B3GALT1: variants seen among roughly 807,000 people sequenced by gnomAD.
B3GALT1 encodes the protein beta-1,3-galactosyltransferase 1, also known as UDP-Gal:betaGlcNAc beta 1,3-galactosyltransferase, polypeptide 1.
A neutral mutation model predicts 23.2 loss-of-function variants in B3GALT1; 10 were observed. The ratio of observed to expected loss-of-function variants is 0.43; its 90% CI spans 0.27 to 0.73. B3GALT1 has a LOEUF of 0.73. Among genes scored for constraint, B3GALT1 ranks in the 30% least tolerant of loss-of-function variants. B3GALT1 has a pLI of 0.21. For missense variants in B3GALT1, 299 were observed against 405.4 expected, an observed-to-expected ratio of 0.74 and a Z score of 2.25; for synonymous variants, 156 against 141.5, an observed-to-expected ratio of 1.10 and a Z score of -0.73.
At chr2:167,664,095 G>C (rs927591981) in intron 3 of B3GALT1, among the ~76,000 whole-genome samples, 5 of 150,882 alleles carry the variant, frequency 3.3e-5, no homozygotes, top group Non-Finnish European at 5.9e-5. Flanking sequence ...ATGGTTTTAG[G>C]TCTAACGTTT....
At chr2:167,313,965 G>A (rs1232372988) in intron 1 of B3GALT1, among the ~76,000 whole-genome samples, 3 of 152,082 alleles carry the variant, frequency 2.0e-5, no homozygotes, top group African/African-American at 4.8e-5. Context: ...TAATAGTAAC[G>A]CAGGTTTGTC....
At chr2:167,668,583 T>G (rs1347637264) in intron 3 of B3GALT1, among the ~76,000 whole-genome samples, 1 of 152,130 alleles carries the variant, frequency 6.6e-6, no homozygotes, top group Non-Finnish European at 1.5e-5. Flanking sequence ...CTCAGACTGC[T>G]GTGCTAGCAA....
chr2:167,809,329 AG>A (rs1688829593), intron 3 of B3GALT1, among the ~76,000 whole-genome samples: 1 of 152,110 alleles, frequency 6.6e-6, no homozygotes, highest in Non-Finnish European at 1.5e-5. Context: ...GCTGGTGAGG[AG>A]CTGCATTCCT....
chr2:167,299,616 A>G (rs1027066913), intron 1 of B3GALT1, among the ~76,000 whole-genome samples: 1 of 152,186 alleles, frequency 6.6e-6, no homozygotes, highest in African/African-American at 2.4e-5. Context: ...AATAAGCAAC[A>G]ATTAACAAAT....
intron 1 of B3GALT1, among the ~76,000 whole-genome samples, chr2:167,489,039 C>T (rs1281753527): frequency 1.3e-5 from 2 of 151,818 alleles, no homozygotes; most frequent in African/African-American, 4.8e-5. Context: ...CAATCTACAA[C>T]TATGTGCTTT....
At chr2:167,485,526 A>T (rs1318363104) in intron 1 of B3GALT1, among the ~76,000 whole-genome samples, 1 of 152,116 alleles carries the variant, frequency 6.6e-6, no homozygotes, top group Admixed American at 6.6e-5. Flanking sequence ...TCATAGTGCT[A>T]TGTATACAGT....
At chr2:167,567,724 A>G (rs956728497) in intron 2 of B3GALT1, among the ~76,000 whole-genome samples, 4 of 152,068 alleles carry the variant, frequency 2.6e-5, no homozygotes, top group African/African-American at 9.7e-5. Context: ...TGATGAATCT[A>G]CACTGAAACA....
At chr2:167,763,395 G>T (rs1041412382) in intron 3 of B3GALT1, among the ~76,000 whole-genome samples, 2 of 152,130 alleles carry the variant, frequency 1.3e-5, no homozygotes, top group Non-Finnish European at 2.9e-5. Context: ...TAAACACTTT[G>T]GAAGGTAGAT....
chr2:167,584,533 G>A (rs1362361525), intron 2 of B3GALT1, among the ~76,000 whole-genome samples: 1 of 152,130 alleles, frequency 6.6e-6, no homozygotes. Context: ...TCTCTAGTTC[G>A]GTTCTGACAC....
At chr2:167,691,834 G>A (rs565616495) in intron 3 of B3GALT1, among the ~76,000 whole-genome samples, 2 of 152,280 alleles carry the variant, frequency 1.3e-5, no homozygotes, top group South Asian at 4.2e-4. Flanking sequence ...GGCAGCTTGT[G>A]AAGCACAGGC....
chr2:167,351,749 C>G (rs1010894906), intron 1 of B3GALT1, among the ~76,000 whole-genome samples: 3 of 152,138 alleles, frequency 2.0e-5, no homozygotes, highest in African/African-American at 7.2e-5. Context: ...TTTTCTTTCT[C>G]TCTTACTTTT....
chr2:167,562,794 C>A (rs779197747), intron 2 of B3GALT1, among the ~76,000 whole-genome samples: 1 of 151,852 alleles, frequency 6.6e-6, no homozygotes, highest in Non-Finnish European at 1.5e-5. Flanking sequence ...GAGGACCCTG[C>A]GGCCTTCCGC....
chr2:167,561,986 G>A (rs946155637), intron 2 of B3GALT1, among the ~76,000 whole-genome samples: 2 of 152,026 alleles, frequency 1.3e-5, no homozygotes, highest in African/African-American at 4.8e-5. Flanking sequence ...TACCAAAGCC[G>A]GCCAGAAACA....
Position 167,664,198 on chromosome 2 carries a change from G to C in B3GALT1, c.-352+17232G>C, listed in dbSNP as rs1354729903. On this transcript the variant is annotated intron_variant, in intron 3 of 4. Transcript: ENST00000392690. ...TACATATGGCTAGCCAGTTTTCCAA[G>C]CACCATTTATTAAATAGGGAATCCT... 7.3e-5 allele frequency among the ~76,000 whole-genome samples: 11 copies of C among 149,976 alleles called. 1 individual carries two copies. The highest frequency in any genetic ancestry group is 2.7e-4 in the African/African-American group (11 of 40,368).
At chr2:167,307,855 A>G (rs1696573477) in intron 1 of B3GALT1, among the ~76,000 whole-genome samples, 1 of 152,040 alleles carries the variant, frequency 6.6e-6, no homozygotes, top group Non-Finnish European at 1.5e-5. Flanking sequence ...GAGTCTTGTT[A>G]CTAAAAAGAC....
chr2:167,589,171 C>T (rs1283081670), intron 2 of B3GALT1, among the ~76,000 whole-genome samples: 14 of 152,252 alleles, frequency 9.2e-5, no homozygotes, highest in African/African-American at 3.4e-4. Context: ...GTCTCAAACT[C>T]CTGGGCTCAA....
intron 3 of B3GALT1, among the ~76,000 whole-genome samples, chr2:167,764,191 A>G (rs1687939488): frequency 6.6e-6 from 1 of 152,152 alleles, no homozygotes; most frequent in African/African-American, 2.4e-5. Context: ...TCCCTTCACA[A>G]AAGTTTTCTG....
At chr2:167,779,883 A>G (rs367592967) in intron 3 of B3GALT1, among the ~76,000 whole-genome samples, 19 of 152,366 alleles carry the variant, frequency 1.2e-4, no homozygotes, top group African/African-American at 3.6e-4. Flanking sequence ...GAGGAAAACT[A>G]TTAAAAGATT....
At chr2:167,800,691 A>G (rs770942983) in intron 3 of B3GALT1, among the ~76,000 whole-genome samples, 40 of 152,268 alleles carry the variant, frequency 2.6e-4, no homozygotes, top group African/African-American at 8.2e-4. Flanking sequence ...TCATCTTTTC[A>G]GTTTCACAAA....
Sources: allele counts gnomAD v4.1 joint callset (sites outside exome capture counted in the v4.1 genomes callset), GRCh38; gene constraint gnomAD v4.1.1; transcripts MANE v1.5; gene names NCBI Gene and HGNC (gene_info 2026-07-23, HGNC 2026-07-21).